CDC27: variants seen among roughly 807,000 people sequenced by gnomAD.
CDC27 encodes the protein cell division cycle 27.
CDC27 carries 27 observed loss-of-function variants against 109.7 expected under a neutral mutation model. The ratio of observed to expected loss-of-function variants is 0.25; its 90% CI spans 0.18 to 0.34. The LOEUF (loss-of-function observed/expected upper bound fraction) is 0.34. CDC27 is among the 10% of genes least tolerant of loss of function. The pLI is 1.00. For synonymous variants in CDC27, 266 were observed against 333.9 expected, an observed-to-expected ratio of 0.80 and a Z score of 2.22; for missense variants, 579 against 960.2, an observed-to-expected ratio of 0.60 and a Z score of 5.25.
chr17:47,158,827 C>T (rs933013426), intron 4 of CDC27, among the ~76,000 whole-genome samples: 4 of 152,042 alleles, frequency 2.6e-5, no homozygotes, highest in African/African-American at 9.7e-5. Context: ...CCATTGATGC[C>T]CAGGCGGGTC....
At chr17:47,163,321 G>C (rs942633798) in intron 4 of CDC27, among the ~76,000 whole-genome samples, 1 of 152,154 alleles carries the variant, frequency 6.6e-6, no homozygotes, top group East Asian at 1.9e-4. Context: ...TGCAATTCTG[G>C]TATATAATGG....
intron 14 of CDC27, among the ~76,000 whole-genome samples, chr17:47,135,407 AGATGATGATGATGATGAT>A (rs201672676): frequency 1.3e-5 from 2 of 150,542 alleles, no homozygotes; most frequent in Non-Finnish European, 3.0e-5. Context: ...GGCCATAACT[AGATGATGATGATGATGAT>A]GATGATGATG....
At chr17:47,157,459 A>ATCTTT in intron 5 of CDC27, 75 bp from the exon 6 acceptor site, 1 of 1,150,918 alleles carries the variant, frequency 8.7e-7, no homozygotes. Context: ...TGCATAAATC[A>ATCTTT]GTGGAAACAG....
In CDC27 at chr17:47,117,745, TAA is replaced by T. The variant is rs1760173356; in HGVS notation, c.*3188_*3189del. The T allele has an allele frequency of 6.6e-6, 1 of 152,138 alleles. No homozygotes were observed. The highest frequency in any genetic ancestry group is 1.5e-5 in the Non-Finnish European group (1 of 68,016). The allele number at this position is 152,138 out of a possible 1,614,324, so 9.4% of individuals were successfully genotyped here. A position where few individuals can be genotyped will look rare whatever the true frequency, so the allele number is the denominator to read the frequency against. On this transcript the variant is annotated 3_prime_UTR_variant, in exon 19 of 19. Coordinates refer to ENST00000066544, the MANE Select transcript of CDC27 (RefSeq NM_001256.6). ...TTTATTTTGATATTCCAAATAATACTAAAAAAGAGTATGACCGTTTAAAAATA... is the reference window on the plus strand; with the variant it reads ...TTTATTTTGATATTCCAAATAATACTAAAAGAGTATGACCGTTTAAAAATA...
chr17:47,181,475 C>A, intron 2 of CDC27, 87 bp downstream of exon 2: 2 of 695,650 alleles, frequency 2.9e-6, no homozygotes, highest in Non-Finnish European at 5.0e-6. Flanking sequence ...ATGATGATAG[C>A]TAGAATCTTG....
At chr17:47,183,649 T>C (rs192093051) in intron 1 of CDC27, among the ~76,000 whole-genome samples, 98 of 152,324 alleles carry the variant, frequency 6.4e-4, no homozygotes, top group African/African-American at 2.3e-3. Context: ...TTGTAATACT[T>C]CCCACTGCTA....
intron 12 of CDC27, 36 bp from the exon 13 acceptor site, chr17:47,138,927 G>A (rs1342507109): frequency 7.1e-7 from 1 of 1,399,090 alleles, no homozygotes; most frequent in Non-Finnish European, 9.8e-7. Context: ...AAAACAAGTT[G>A]ATACAATTTA....
In CDC27 at chr17:47,179,297, A is replaced by C. The variant is rs369880455; in HGVS notation, c.103+2265T>G. ...CTAGTGACATAGGAGGCCCCTGAGC[A>C]AACAGGTTACATCTAGCATATCAAC... On this transcript the variant is annotated intron_variant, in intron 2 of 18. Coordinates refer to ENST00000066544, the MANE Select transcript of CDC27 (RefSeq NM_001256.6). Among the ~76,000 whole-genome samples, 27 of 151,920 alleles carry C rather than the reference A, an allele frequency of 1.8e-4. No individual in the cohort carries two copies. In the East Asian group the frequency reaches 5.2e-3, roughly 29 times the overall value.
At position 47,133,012 on chromosome 17, in the gene CDC27, T is replaced by C. The variant is rs1193779561; in HGVS notation, c.1914-638A>G. ...GCATATATATATATATATATATATA[T>C]ATATATATATATATATACACACACA... On this transcript the variant is annotated intron_variant, in intron 14 of 18. Coordinates refer to ENST00000066544, the MANE Select transcript of CDC27 (RefSeq NM_001256.6). Among the ~76,000 whole-genome samples, 151 of 43,762 alleles carry C rather than the reference T, an allele frequency of 3.5e-3. 8 individuals carry two copies. Among genetic ancestry groups the C allele is most frequent in the African/African-American group, 0.01 (137 of 13,382 alleles). 28.7% of individuals were successfully genotyped at this position (43,762 alleles called of 152,430 possible). A position where few individuals can be genotyped will look rare whatever the true frequency, so the allele number is the denominator to read the frequency against.
At chr17:47,133,073 A>ACC (rs1481332985) in intron 14 of CDC27, among the ~76,000 whole-genome samples, 2 of 83,180 alleles carry the variant, frequency 2.4e-5, no homozygotes, top group African/African-American at 5.1e-5. Flanking sequence ...ACACACACAC[A>ACC]CACACACACA....
intron 1 of CDC27, among the ~76,000 whole-genome samples, chr17:47,185,756 T>C (rs1312931308): frequency 1.3e-5 from 2 of 152,142 alleles, no homozygotes; most frequent in Non-Finnish European, 2.9e-5. Flanking sequence ...CTTCAGACAA[T>C]GTAAGAAGAT....
At chr17:47,143,444 ATG>A (rs1381518124) in intron 10 of CDC27, among the ~76,000 whole-genome samples, 1 of 152,102 alleles carries the variant, frequency 6.6e-6, no homozygotes, top group Admixed American at 6.6e-5. Context: ...GTGTGTGTGT[ATG>A]TGTGTGCATA....
intron 4 of CDC27, among the ~76,000 whole-genome samples, chr17:47,162,761 T>A (rs901392969): frequency 1.3e-5 from 2 of 152,146 alleles, no homozygotes; most frequent in Non-Finnish European, 2.9e-5. Context: ...AAAGAAAAAA[T>A]CAAACTTGGT....
intron 12 of CDC27, among the ~76,000 whole-genome samples, chr17:47,141,133 T>C (rs1282130008): frequency 6.6e-6 from 1 of 152,170 alleles, no homozygotes; most frequent in Non-Finnish European, 1.5e-5. Flanking sequence ...GGATATCATA[T>C]GCACAGAGAT....
chr17:47,148,499 T>C (rs2063049793), intron 9 of CDC27, among the ~76,000 whole-genome samples: 1 of 152,086 alleles, frequency 6.6e-6, no homozygotes, highest in Non-Finnish European at 1.5e-5. Context: ...GACATGGACA[T>C]AATATTTGAA....
intron 1 of CDC27, among the ~76,000 whole-genome samples, chr17:47,185,473 G>C (rs778827644): frequency 4.6e-5 from 7 of 152,198 alleles, no homozygotes; most frequent in Non-Finnish European, 1.0e-4. Context: ...GTGAGGCACC[G>C]CGCCCGGCCT....
chr17:47,160,072 G>A lies in CDC27; in HGVS notation c.378-1769C>T, dbSNP rs2063452050. Reference sequence around the variant, plus strand: ...TCCCCTCTCCCCTCAAGATCTGTTTGTGGAGGATCTGCTTCCTTAATGAAA... The same window carrying A: ...TCCCCTCTCCCCTCAAGATCTGTTTATGGAGGATCTGCTTCCTTAATGAAA... On this transcript the variant is annotated intron_variant, in intron 4 of 18. Coordinates refer to ENST00000066544, the MANE Select transcript of CDC27 (RefSeq NM_001256.6). 2.6e-5 allele frequency: 5 copies of A among 193,544 alleles called. 1 individual carries two copies. The highest frequency in any genetic ancestry group is 5.2e-5 in the Non-Finnish European group (5 of 95,628). The allele number at this position is 193,544 out of a possible 1,614,324, so 12.0% of individuals were successfully genotyped here.
At chr17:47,175,964 CAG>C (rs1367024010) in intron 2 of CDC27, among the ~76,000 whole-genome samples, 6 of 152,144 alleles carry the variant, frequency 3.9e-5, no homozygotes, top group Admixed American at 3.9e-4. Context: ...TGACTTAGGG[CAG>C]AGTTACTTAA....
Position 47,157,234 on chromosome 17 carries a change from G to A in CDC27, c.626C>T (p.Thr209Ile). Residue 209 changes from threonine to isoleucine, a missense_variant, in exon 6 of 19, where the codon ACA becomes ATA. Transcript: ENST00000066544. ...ACTAGAATATAAGACACTTACAATT[G>A]TGTCCTGGGGTGTTTCCGTAAGAAC... Reference protein sequence around the residue: ...ETVLTETPQDTIELNRLNLES... With the variant: ...ETVLTETPQDIIELNRLNLES... The A allele has an allele frequency of 6.2e-7, 1 of 1,607,030 alleles. No individual in the cohort carries two copies. Among genetic ancestry groups the A allele is most frequent in the Non-Finnish European group, 8.5e-7 (1 of 1,177,298 alleles).
Sources: allele counts gnomAD v4.1 joint callset (sites outside exome capture counted in the v4.1 genomes callset), GRCh38; gene constraint gnomAD v4.1.1; transcripts MANE v1.5; gene names NCBI Gene and HGNC (gene_info 2026-07-23, HGNC 2026-07-21).